Variants in GNG2 observed in about 807,000 individuals in gnomAD.
GNG2 encodes G protein subunit gamma 2, also known as guanine nucleotide-binding protein G(I)/G(S)/G(O) subunit gamma-2.
GNG2 carries 5 observed loss-of-function variants against 5.5 expected under a neutral mutation model. That is an observed-to-expected ratio of 0.91 (90% confidence interval 0.48 to 1.92). The LOEUF is 1.92. Among genes scored for constraint, GNG2 ranks in the 30% most tolerant of loss-of-function variants. The pLI, the probability that GNG2 is intolerant of heterozygous loss-of-function variation, is 0.01. For synonymous variants in GNG2, 28 were observed against 32.0 expected, an observed-to-expected ratio of 0.88 and a Z score of 0.42; for missense variants, 55 against 88.4, an observed-to-expected ratio of 0.62 and a Z score of 1.52.
intron 2 of GNG2, among the ~76,000 whole-genome samples, chr14:51,936,033 T>C (rs1051513955): frequency 1.3e-5 from 2 of 152,100 alleles, no homozygotes; most frequent in Admixed American, 1.3e-4. Flanking sequence ...AGAAAAATCA[T>C]CAAGCCCCAT....
At chr14:51,898,149 A>C (rs1381439213) in intron 2 of GNG2, among the ~76,000 whole-genome samples, 1 of 152,178 alleles carries the variant, frequency 6.6e-6, no homozygotes, top group Non-Finnish European at 1.5e-5. Context: ...ATTTTCTAAA[A>C]ATTTTGGAGT....
Position 51,968,081 on chromosome 14 carries a change from T to C in GNG2, c.*1394T>C, listed in dbSNP as rs1306218689. ...TTTTTAATGGAATCTTTGTTTTTGT[T>C]CTCCATCTTGTTTGTTAGAGTCTCT... On this transcript the variant is annotated 3_prime_UTR_variant, in exon 4 of 4. Transcript: ENST00000556766. The C allele has an allele frequency of 1.3e-5, 2 of 152,308 alleles. No individual in the cohort carries two copies. The highest frequency in any genetic ancestry group is 4.8e-5 in the African/African-American group (2 of 41,566). The allele number at this position is 152,308 out of a possible 1,614,324, so 9.4% of individuals were successfully genotyped here.
At chr14:51,877,060 T>C (rs1883723906) in intron 1 of GNG2, among the ~76,000 whole-genome samples, 4 of 152,114 alleles carry the variant, frequency 2.6e-5, no homozygotes, top group Admixed American at 2.6e-4. Context: ...GCTAAGGGCA[T>C]AGGTGTCTTC....
At chr14:51,865,672 G>A (rs1458773204) in intron 1 of GNG2, among the ~76,000 whole-genome samples, 1 of 151,752 alleles carries the variant, frequency 6.6e-6, no homozygotes, top group Non-Finnish European at 1.5e-5. Context: ...TTTATATGTT[G>A]TCACATTTAA....
intron 2 of GNG2, among the ~76,000 whole-genome samples, chr14:51,887,878 C>T (rs1047168820): frequency 7.2e-5 from 11 of 152,102 alleles, no homozygotes; most frequent in Non-Finnish European, 1.2e-4. Flanking sequence ...GATGTATACA[C>T]GTGTTGAAAA....
chr14:51,893,360 AT>A (rs1884984331), intron 2 of GNG2, among the ~76,000 whole-genome samples: 1 of 152,068 alleles, frequency 6.6e-6, no homozygotes, highest in Non-Finnish European at 1.5e-5. Flanking sequence ...ATATTTTCAT[AT>A]GTTTTCATTG....
At chr14:51,865,415 C>A (rs1374164042) in intron 1 of GNG2, among the ~76,000 whole-genome samples, 1 of 151,914 alleles carries the variant, frequency 6.6e-6, no homozygotes, top group Non-Finnish European at 1.5e-5. Flanking sequence ...CACATTGTAC[C>A]CCATAAATAT....
chr14:51,870,191 T>G (rs1209249539), intron 1 of GNG2, among the ~76,000 whole-genome samples: 2 of 152,092 alleles, frequency 1.3e-5, no homozygotes, highest in Non-Finnish European at 2.9e-5. Context: ...ACAAAAGCCT[T>G]GTTTTTGGCT....
In GNG2 at chr14:51,950,637, T is replaced by C. The variant is rs780767653; in HGVS notation, c.-29-13T>C. The C allele has an allele frequency of 1.4e-6, 2 of 1,461,698 alleles. No individual in the cohort carries two copies. The highest frequency in any genetic ancestry group is 3.6e-5 in the Admixed American group (2 of 56,310). The allele number at this position is 1,461,698 out of a possible 1,614,324, so 90.5% of individuals were successfully genotyped here. ...ATTCTCTGGTACAATCTTCTTTTTG[T>C]TTTCTTTTCTAGTGTTTCTGAAAGA... On this transcript the variant is annotated splice_polypyrimidine_tract_variant and intron_variant, in intron 2 of 3. Coordinates refer to ENST00000556766, the MANE Select transcript of GNG2 (RefSeq NM_053064.5).
At chr14:51,910,228 G>C (rs564057822) in intron 2 of GNG2, among the ~76,000 whole-genome samples, 1 of 152,264 alleles carries the variant, frequency 6.6e-6, no homozygotes, top group South Asian at 2.1e-4. Context: ...ATGAATTTGA[G>C]GTCATTAAGA....
At chr14:51,907,283 T>G in intron 2 of GNG2, among the ~76,000 whole-genome samples, 1 of 152,166 alleles carries the variant, frequency 6.6e-6, no homozygotes, top group South Asian at 2.1e-4. Flanking sequence ...CATTCAGACA[T>G]TTTTTAGTTA....
chr14:51,842,883 C>T (rs772191917), intron 2 of GNG2, among the ~76,000 whole-genome samples: 1 of 151,902 alleles, frequency 6.6e-6, no homozygotes, highest in Admixed American at 6.6e-5. Flanking sequence ...TAGGCTGGTC[C>T]CGAACTCCTG....
At chr14:51,866,899 C>G (rs1373462278) in intron 1 of GNG2, among the ~76,000 whole-genome samples, 1 of 152,208 alleles carries the variant, frequency 6.6e-6, no homozygotes, top group African/African-American at 2.4e-5. Flanking sequence ...AAATTAACAT[C>G]ATCTTTCCTT....
chr14:51,898,935 A>G (rs901800866), intron 2 of GNG2, among the ~76,000 whole-genome samples: 16 of 152,214 alleles, frequency 1.1e-4, no homozygotes, highest in African/African-American at 3.9e-4. Context: ...ATTCTGGTGT[A>G]TTTCCCTTCA....
chr14:51,892,480 T>G (rs1884924999), intron 2 of GNG2, among the ~76,000 whole-genome samples: 1 of 152,098 alleles, frequency 6.6e-6, no homozygotes. Context: ...TTGTAATTTT[T>G]TATAGAGACG....
chr14:51,842,620 A>G (rs1482656592), intron 2 of GNG2, among the ~76,000 whole-genome samples: 3 of 152,104 alleles, frequency 2.0e-5, no homozygotes, highest in East Asian at 1.9e-4. Context: ...TGTTACCACA[A>G]ATGGCCTGTG....
At chr14:51,938,822 A>C (rs1234654659) in intron 2 of GNG2, among the ~76,000 whole-genome samples, 1 of 152,194 alleles carries the variant, frequency 6.6e-6, no homozygotes, top group African/African-American at 2.4e-5. Context: ...AATGGCAAGG[A>C]AGCTCCACCA....
At chr14:51,878,763 C>G (rs1883846497) in intron 2 of GNG2, among the ~76,000 whole-genome samples, 1 of 152,176 alleles carries the variant, frequency 6.6e-6, no homozygotes, top group Admixed American at 6.5e-5. Flanking sequence ...ACATGTATAG[C>G]TTTTGCTGCC....
At chr14:51,841,565 G>T (rs1178676775) in intron 2 of GNG2, 3 of 701,796 alleles carry the variant, frequency 4.3e-6, no homozygotes, top group Non-Finnish European at 7.8e-6. Flanking sequence ...GCCCGGATTT[G>T]AACCCAGGTA....
Sources: allele counts gnomAD v4.1 joint callset (sites outside exome capture counted in the v4.1 genomes callset), GRCh38; gene constraint gnomAD v4.1.1; transcripts MANE v1.5; gene names NCBI Gene and HGNC (gene_info 2026-07-23, HGNC 2026-07-21).